Variants in ROBO2 observed in about 807,000 individuals in gnomAD.
ROBO2 encodes the protein roundabout homolog 2.
Under a neutral mutation model 160.8 loss-of-function variants are expected in ROBO2, and 53 were observed. The ratio of observed to expected loss-of-function variants is 0.33; its 90% CI spans 0.26 to 0.41. The LOEUF (loss-of-function observed/expected upper bound fraction) is 0.41. Among genes scored for constraint, ROBO2 ranks in the 10% least tolerant of loss-of-function variants. ROBO2 has a pLI of 1.00. For missense variants in ROBO2, 1,577 were observed against 1,722.4 expected, an observed-to-expected ratio of 0.92 and a Z score of 1.49; for synonymous variants, 664 against 611.7, an observed-to-expected ratio of 1.09 and a Z score of -1.26.
chr3:77,353,927 G>A (rs2068697787), intron 2 of ROBO2, among the ~76,000 whole-genome samples: 1 of 152,186 alleles, frequency 6.6e-6, no homozygotes, highest in Admixed American at 6.5e-5. Context: ...AATAGAAAAT[G>A]TGTAAATGAA....
intron 2 of ROBO2, among the ~76,000 whole-genome samples, chr3:76,767,711 TTTAA>T (rs1190345371): frequency 6.6e-6 from 1 of 151,548 alleles, no homozygotes; most frequent in Admixed American, 6.6e-5. Context: ...TGCTTTATTT[TTTAA>T]TTAATGTATC....
chr3:76,150,961 A>G (rs1161419105), intron 2 of ROBO2, among the ~76,000 whole-genome samples: 1 of 152,112 alleles, frequency 6.6e-6, no homozygotes, highest in Non-Finnish European at 1.5e-5. Context: ...GTTGAAAGGC[A>G]TACACCATTT....
intron 2 of ROBO2, among the ~76,000 whole-genome samples, chr3:76,721,144 A>G (rs2093459551): frequency 6.6e-6 from 1 of 152,200 alleles, no homozygotes; most frequent in African/African-American, 2.4e-5. Flanking sequence ...TAAAAAATCA[A>G]TCTGTAATCT....
At chr3:77,540,740 A>G (rs1336970713) in intron 6 of ROBO2, among the ~76,000 whole-genome samples, 1 of 152,204 alleles carries the variant, frequency 6.6e-6, no homozygotes, top group African/African-American at 2.4e-5. Flanking sequence ...TAATAAACCA[A>G]AATAAATTAA....
At chr3:77,452,709 A>T (rs1264508780) in intron 2 of ROBO2, among the ~76,000 whole-genome samples, 2 of 152,190 alleles carry the variant, frequency 1.3e-5, no homozygotes, top group Non-Finnish European at 2.9e-5. Flanking sequence ...AAGTGACAAG[A>T]TTAGCATTAA....
intron 2 of ROBO2, among the ~76,000 whole-genome samples, chr3:77,472,870 T>C (rs536331802): frequency 6.6e-6 from 1 of 152,200 alleles, no homozygotes; most frequent in South Asian, 2.1e-4. Flanking sequence ...CCCTTGTATA[T>C]TTTGTTGGGG....
At chr3:76,024,920 T>C (rs2066689492) in intron 2 of ROBO2, among the ~76,000 whole-genome samples, 1 of 150,492 alleles carries the variant, frequency 6.6e-6, no homozygotes, top group East Asian at 1.9e-4. Flanking sequence ...TAAAAGTATA[T>C]GTATGTGTGT....
chr3:75,935,613 A>G (rs1419774633), intron 1 of ROBO2, among the ~76,000 whole-genome samples: 1 of 152,190 alleles, frequency 6.6e-6, no homozygotes. Context: ...ATATACTTGT[A>G]TGTTCAACTT....
At chr3:76,023,571 A>C (rs911180624) in intron 2 of ROBO2, among the ~76,000 whole-genome samples, 12 of 151,616 alleles carry the variant, frequency 7.9e-5, no homozygotes, top group Non-Finnish European at 1.5e-4. Flanking sequence ...AATTAAGTTC[A>C]CTATCTTATA....
intron 2 of ROBO2, among the ~76,000 whole-genome samples, chr3:77,466,471 A>G (rs1196168795): frequency 6.6e-6 from 1 of 152,160 alleles, no homozygotes; most frequent in Non-Finnish European, 1.5e-5. Flanking sequence ...TTTATGGATG[A>G]TGATGTGATT....
intron 2 of ROBO2, among the ~76,000 whole-genome samples, chr3:76,556,142 AAG>A (rs1262401889): frequency 1.3e-5 from 2 of 152,104 alleles, no homozygotes; most frequent in Non-Finnish European, 2.9e-5. Flanking sequence ...GTGAGAAAGA[AAG>A]AAAGAAAAAA....
intron 2 of ROBO2, among the ~76,000 whole-genome samples, chr3:76,038,825 G>A (rs1010339541): frequency 2.6e-5 from 4 of 151,694 alleles, no homozygotes; most frequent in Non-Finnish European, 5.9e-5. Context: ...TTTAAAGAGT[G>A]TGCTAGATTG....
At chr3:77,381,490 G>T (rs776553840) in intron 2 of ROBO2, among the ~76,000 whole-genome samples, 1 of 152,126 alleles carries the variant, frequency 6.6e-6, no homozygotes, top group Non-Finnish European at 1.5e-5. Context: ...GTTTTTAACA[G>T]AGAAAATGTG....
At chr3:76,489,984 G>A (rs1449593227) in intron 2 of ROBO2, among the ~76,000 whole-genome samples, 1 of 152,080 alleles carries the variant, frequency 6.6e-6, no homozygotes, top group East Asian at 1.9e-4. Flanking sequence ...AAACAAAAGT[G>A]TATTATTTGC....
intron 2 of ROBO2, among the ~76,000 whole-genome samples, chr3:77,329,373 G>A (rs2065760999): frequency 6.6e-6 from 1 of 152,152 alleles, no homozygotes; most frequent in Admixed American, 6.5e-5. Context: ...CAGAATTTAA[G>A]AGTCACTCCT....
chr3:76,394,593 T>C (rs1267208819), intron 2 of ROBO2, among the ~76,000 whole-genome samples: 3 of 152,066 alleles, frequency 2.0e-5, no homozygotes, highest in African/African-American at 4.8e-5. Context: ...CTGACAATTA[T>C]GTGTCTTGGA....
At chr3:76,492,448 G>T (rs536227059) in intron 2 of ROBO2, among the ~76,000 whole-genome samples, 1 of 152,006 alleles carries the variant, frequency 6.6e-6, no homozygotes, top group Non-Finnish European at 1.5e-5. Flanking sequence ...AAAAATTATT[G>T]TGAAGGTCAT....
rs2079152348 is a variant in ROBO2 at position 76,480,509 on chromosome 3, C to A, written c.109+542907C>A. Among the ~76,000 whole-genome samples the A allele has an allele frequency of 2.0e-5, 3 of 152,192 alleles. No homozygotes were observed. The South Asian group carries it at 6.2e-4, about 32-fold the overall frequency. On this transcript the variant is annotated intron_variant, in intron 2 of 26. Coordinates refer to the ROBO2 transcript ENST00000487694. ...GTTGCTCTAACAAGAATACCACAAA[C>A]TGAGAGGTTTATAAACAACAGAAAC...
intron 2 of ROBO2, among the ~76,000 whole-genome samples, chr3:77,408,840 T>A (rs2076468649): frequency 6.6e-6 from 1 of 152,056 alleles, no homozygotes; most frequent in Non-Finnish European, 1.5e-5. Context: ...TCTTCCTGCC[T>A]CAGCCTCTTG....
Sources: gnomAD v4.1 joint callset for allele counts (sites outside exome capture counted in the v4.1 genomes callset) on GRCh38, gnomAD v4.1.1 for gene constraint, MANE v1.5 for transcripts, NCBI Gene and HGNC (gene_info 2026-07-23, HGNC 2026-07-21) for gene names.